Variants in RBFOX1 observed in about 807,000 individuals in gnomAD.
RBFOX1 encodes RNA binding fox-1 homolog 1, also known as RNA binding protein fox-1 homolog 1.
RBFOX1 carries 8 observed loss-of-function variants against 57.7 expected under a neutral mutation model. The ratio of observed to expected loss-of-function variants is 0.14; its 90% CI spans 0.08 to 0.25. The LOEUF is 0.25. Among genes scored for constraint, RBFOX1 ranks in the 10% least tolerant of loss-of-function variants. The pLI is 1.00. For missense variants in RBFOX1, 611 were observed against 548.5 expected (o/e 1.11, Z -1.14); for synonymous variants, 326 against 222.4 (o/e 1.47, Z -4.15).
Position 6,228,955 on chromosome 16 carries a change from T to C in RBFOX1, c.-126-88040T>C, listed in dbSNP as rs116108874. Among the ~76,000 whole-genome samples, 1,331 of 152,032 alleles carry C rather than the reference T, an allele frequency of 8.8e-3. 16 individuals carry two copies. Among genetic ancestry groups the C allele is most frequent in the African/African-American group, 0.031 (1,283 of 41,466 alleles). On this transcript the variant is annotated intron_variant, in intron 1 of 15. Coordinates refer to ENST00000550418, the MANE Select transcript of RBFOX1 (RefSeq NM_018723.4). ...AAAAATAATTAGAAACAAACAAAAG[T>C]AGAGGTGAAGGAAAAAAGTTCTTGG... is the stretch of plus-strand genomic sequence containing the variant.
chr16:7,676,466 C>T (rs930268638), intron 13 of RBFOX1, among the ~76,000 whole-genome samples: 4 of 152,090 alleles, frequency 2.6e-5, no homozygotes, highest in Non-Finnish European at 5.9e-5. Context: ...TTAAATAATT[C>T]CCCATAATCC....
At chr16:6,384,773 T>C (rs1421076271) in intron 2 of RBFOX1, among the ~76,000 whole-genome samples, 2 of 152,238 alleles carry the variant, frequency 1.3e-5, no homozygotes, top group Non-Finnish European at 2.9e-5. Flanking sequence ...CTTCAAGCTT[T>C]GCTGTTTTCT....
At chr16:6,494,130 C>A (rs1458014222) in intron 2 of RBFOX1, among the ~76,000 whole-genome samples, 1 of 152,182 alleles carries the variant, frequency 6.6e-6, no homozygotes, top group Non-Finnish European at 1.5e-5. Context: ...CTCTTGTACA[C>A]TATTCTCTAA....
intron 5 of RBFOX1, among the ~76,000 whole-genome samples, chr16:7,534,755 G>GA (rs1369339925): frequency 6.9e-6 from 1 of 144,638 alleles, no homozygotes; most frequent in African/African-American, 2.6e-5. Flanking sequence ...CGTAGCAGAA[G>GA]AAAATCCTAA....
At chr16:6,941,852 T>C (rs1057296020) in intron 3 of RBFOX1, among the ~76,000 whole-genome samples, 10 of 152,170 alleles carry the variant, frequency 6.6e-5, no homozygotes, top group African/African-American at 2.4e-4. Context: ...CTCTTTCCCA[T>C]CTGGAGTGCA....
intron 1 of RBFOX1, among the ~76,000 whole-genome samples, chr16:5,248,132 C>A (rs2062349799): frequency 6.6e-6 from 1 of 152,210 alleles, no homozygotes; most frequent in Non-Finnish European, 1.5e-5. Context: ...CTTGGCGCTG[C>A]CACTCTGAGG....
chr16:7,089,740 C>G (rs147677280), intron 4 of RBFOX1, among the ~76,000 whole-genome samples: 1 of 152,204 alleles, frequency 6.6e-6, no homozygotes, highest in Non-Finnish European at 1.5e-5. Context: ...AGTAATTAAT[C>G]TTGACTTAAA....
intron 3 of RBFOX1, among the ~76,000 whole-genome samples, chr16:6,897,460 C>T (rs996354471): frequency 4.6e-5 from 7 of 152,078 alleles, no homozygotes; most frequent in African/African-American, 9.7e-5. Flanking sequence ...CAGATTAAAA[C>T]GTGATGTGGC....
intron 3 of RBFOX1, among the ~76,000 whole-genome samples, chr16:6,797,749 C>A (rs764822107): frequency 1.3e-5 from 2 of 152,034 alleles, no homozygotes; most frequent in African/African-American, 2.4e-5. Flanking sequence ...CTCTTGGGGT[C>A]CATTATACCT....
intron 3 of RBFOX1, among the ~76,000 whole-genome samples, chr16:6,885,910 G>C (rs2063908686): frequency 6.6e-6 from 1 of 152,116 alleles, no homozygotes; most frequent in South Asian, 2.1e-4. Context: ...AATGAACGTT[G>C]ACTTTATTAA....
chr16:7,642,109 AAAAT>A (rs1228798817), intron 11 of RBFOX1, among the ~76,000 whole-genome samples: 1 of 152,158 alleles, frequency 6.6e-6, no homozygotes, highest in Non-Finnish European at 1.5e-5. Context: ...CCTGTCTCAA[AAAAT>A]AAAGTTCACC....
chr16:7,305,048 A>C (rs1180204109), intron 4 of RBFOX1, among the ~76,000 whole-genome samples: 2 of 150,014 alleles, frequency 1.3e-5, no homozygotes, highest in Admixed American at 1.3e-4. Context: ...TCTGCCTTCA[A>C]ACTCACTGGC....
chr16:6,980,192 C>G (rs1270732697), intron 3 of RBFOX1, among the ~76,000 whole-genome samples: 5 of 152,090 alleles, frequency 3.3e-5, no homozygotes, highest in African/African-American at 1.2e-4. Flanking sequence ...TATTTGCATC[C>G]AAAAGCAATT....
intron 4 of RBFOX1, among the ~76,000 whole-genome samples, chr16:7,353,509 C>T (rs1006432909): frequency 2.0e-5 from 3 of 152,070 alleles, no homozygotes; most frequent in African/African-American, 7.2e-5. Flanking sequence ...ACGTGTGTAC[C>T]AGTGTTTATA....
chr16:5,749,714 C>T (rs937225171), intron 3 of RBFOX1, among the ~76,000 whole-genome samples: 2 of 152,128 alleles, frequency 1.3e-5, no homozygotes, highest in African/African-American at 2.4e-5. Context: ...TTTTCAGTTC[C>T]ATCAGGTCAT....
chr16:6,642,969 C>G (rs1479459912), intron 2 of RBFOX1, among the ~76,000 whole-genome samples: 1 of 152,138 alleles, frequency 6.6e-6, no homozygotes, highest in Non-Finnish European at 1.5e-5. Flanking sequence ...GGTGAAATAG[C>G]TCTTACATCG....
intron 13 of RBFOX1, among the ~76,000 whole-genome samples, chr16:7,665,608 CTCATTA>C (rs2069013128): frequency 6.6e-6 from 1 of 152,086 alleles, no homozygotes; most frequent in Non-Finnish European, 1.5e-5. Flanking sequence ...TAGGCTATTT[CTCATTA>C]TGAGAACAAG....
intron 4 of RBFOX1, among the ~76,000 whole-genome samples, chr16:7,330,302 T>G (rs1347315262): frequency 2.6e-5 from 4 of 151,834 alleles, no homozygotes; most frequent in Non-Finnish European, 4.4e-5. Flanking sequence ...ACAATGTAAA[T>G]GCTGTGTAAA....
intron 4 of RBFOX1, among the ~76,000 whole-genome samples, chr16:7,495,000 C>G (rs957993296): frequency 1.3e-5 from 2 of 152,218 alleles, no homozygotes; most frequent in South Asian, 4.1e-4. Flanking sequence ...TCCCCCGTGT[C>G]TGTTGTTCCC....
Sources: gnomAD v4.1 joint callset for allele counts (sites outside exome capture counted in the v4.1 genomes callset) on GRCh38, gnomAD v4.1.1 for gene constraint, MANE v1.5 for transcripts, NCBI Gene and HGNC (gene_info 2026-07-23, HGNC 2026-07-21) for gene names.